Variants in AGBL1 observed in about 807,000 individuals in gnomAD.
The protein encoded by AGBL1 is AGBL carboxypeptidase 1.
Under a neutral mutation model 118.9 loss-of-function variants are expected in AGBL1, and 130 were observed. The ratio of observed to expected loss-of-function variants is 1.09; its 90% CI spans 0.95 to 1.26. The LOEUF is 1.26. AGBL1 is among the 50% of genes most tolerant of loss of function. The pLI, the probability that AGBL1 is intolerant of heterozygous loss-of-function variation, is 0.00. For missense variants in AGBL1, 1,584 were observed against 1,298.1 expected (o/e 1.22, Z -3.38); for synonymous variants, 555 against 478.9 (o/e 1.16, Z -2.08).
chr15:86,247,847 C>A lies in AGBL1; in HGVS notation c.703C>A (p.Gln235Lys). 1 of 1,613,948 alleles carries A rather than the reference C, an allele frequency of 6.2e-7. No individual in the cohort carries two copies. Among genetic ancestry groups the A allele is most frequent in the Non-Finnish European group, 8.5e-7 (1 of 1,179,886 alleles). The change falls in exon 7 of 23, where the codon CAG (glutamine) becomes AAG (lysine). Residue 235 changes from glutamine (Q) to lysine (K), a missense_variant. By Grantham distance (53) the Gln-to-Lys change is moderately conservative (BLOSUM62 1). Transcript: ENST00000614907. ...CGGCAGGGAGGCCTTCCTGGCAGCA[C>A]AGGGCATGGAGATCCTCTTCAGCAC... ...RSGREAFLAA[Q>K]GMEILFSTTQ...
At chr15:86,687,821 T>C (rs2086087329) in intron 22 of AGBL1, among the ~76,000 whole-genome samples, 1 of 152,166 alleles carries the variant, frequency 6.6e-6, no homozygotes, top group African/African-American at 2.4e-5. Context: ...CCTCGATGAG[T>C]GTCCTCAGAT....
intron 18 of AGBL1, among the ~76,000 whole-genome samples, chr15:86,501,901 TAC>T (rs1236687562): frequency 6.6e-6 from 1 of 151,568 alleles, no homozygotes; most frequent in Non-Finnish European, 1.5e-5. Context: ...TCTTTTTCAA[TAC>T]TGCTTTGTGT....
intron 24 of AGBL1, among the ~76,000 whole-genome samples, chr15:87,005,334 A>T (rs768717550): frequency 2.6e-5 from 4 of 152,136 alleles, no homozygotes; most frequent in Non-Finnish European, 4.4e-5. Flanking sequence ...CACCAATCAG[A>T]TGTAGATTTG....
At position 86,463,928 on chromosome 15, in the gene AGBL1, T is replaced by G. The variant is rs192034907; in HGVS notation, c.2556-58882T>G. Among the ~76,000 whole-genome samples, 41 of 152,302 alleles carry G rather than the reference T, an allele frequency of 2.7e-4. 1 individual carries two copies. Among genetic ancestry groups the G allele is most frequent in the Non-Finnish European group, 2.9e-5 (2 of 68,014 alleles). On this transcript the variant is annotated intron_variant, in intron 18 of 22. Coordinates refer to ENST00000614907, the MANE Select transcript of AGBL1 (RefSeq NM_001386094.1). ...GGATTGTCTTGGCTATACAGGCTCT[T>G]TTTTGGTTCCATATGAAATTTAAAG... is the stretch of plus-strand genomic sequence containing the variant.
chr15:86,318,392 A>G (rs1463530060), intron 17 of AGBL1, among the ~76,000 whole-genome samples: 1 of 151,942 alleles, frequency 6.6e-6, no homozygotes, highest in Non-Finnish European at 1.5e-5. Context: ...ATTTAATCAT[A>G]TAAATATTTC....
chr15:86,990,535 T>G (rs1032884104), intron 24 of AGBL1, among the ~76,000 whole-genome samples: 3 of 151,824 alleles, frequency 2.0e-5, no homozygotes, highest in African/African-American at 7.3e-5. Flanking sequence ...AGAGAAAGGT[T>G]TGGGTTCTGG....
At position 86,520,125 on chromosome 15, in the gene AGBL1, GA is replaced by G. The variant is rs986815130; in HGVS notation, c.2556-2676del. Among the ~76,000 whole-genome samples the G allele has an allele frequency of 2.4e-4, 36 of 151,216 alleles. 1 individual carries two copies. The highest frequency in any genetic ancestry group is 6.3e-4 in the South Asian group (3 of 4,782). ...ATAGCTATCTGATTATTCTTTATAAGAAAAAAAAATTAGGATGAGGTAAGGA... is the reference window on the plus strand; with the variant it reads ...ATAGCTATCTGATTATTCTTTATAAGAAAAAAAATTAGGATGAGGTAAGGA... On this transcript the variant is annotated intron_variant, in intron 18 of 22. Transcript: ENST00000614907.
intron 18 of AGBL1, among the ~76,000 whole-genome samples, chr15:86,443,749 A>T (rs898046485): frequency 2.0e-5 from 3 of 151,906 alleles, no homozygotes; most frequent in African/African-American, 7.3e-5. Flanking sequence ...TGTCCTCCAA[A>T]CTCACCTGTG....
At chr15:86,978,150 T>A (rs989608996) in intron 23 of AGBL1, among the ~76,000 whole-genome samples, 1 of 152,190 alleles carries the variant, frequency 6.6e-6, no homozygotes, top group African/African-American at 2.4e-5. Context: ...ACCACTATTG[T>A]CTGTTAACCT....
intron 21 of AGBL1, among the ~76,000 whole-genome samples, chr15:86,561,483 G>A (rs891632163): frequency 6.6e-5 from 10 of 152,052 alleles, no homozygotes; most frequent in Non-Finnish European, 1.2e-4. Flanking sequence ...GTGTTATTTC[G>A]GAGGCCTCTG....
At position 86,257,195 on chromosome 15, in the gene AGBL1, C is replaced by T. The variant is rs1018915967; in HGVS notation, c.901+177C>T. The stretch of plus-strand genomic sequence containing the variant: ...TTGATTTTCATAAACAGGGTGATTT[C>T]ATAAACAGAAAAAACCAAGCTCGCT... On this transcript the variant is annotated intron_variant, in intron 8 of 22. Transcript: ENST00000614907. Among the ~76,000 whole-genome samples the T allele has an allele frequency of 4.6e-5, 7 of 152,142 alleles. No individual in the cohort carries two copies. The East Asian group carries it at 1.3e-3, about 29-fold the overall frequency.
chr15:86,540,431 T>C (rs1444648319), intron 19 of AGBL1, among the ~76,000 whole-genome samples: 2 of 152,002 alleles, frequency 1.3e-5, no homozygotes. Flanking sequence ...CTGTCTCTAC[T>C]AAAAACACAA....
rs1596694964 is a variant in AGBL1, at chr15:86,974,764, T to C, written c.3222-13223T>C. 2.0e-5 allele frequency among the ~76,000 whole-genome samples: 3 copies of C among 151,802 alleles called. No individual in the cohort carries two copies. In the South Asian group the frequency reaches 6.2e-4, roughly 31 times the overall value. The stretch of plus-strand genomic sequence containing the variant: ...ACTATCAGTTTTTGAATTTCCACTC[T>C]GAGCCAGATCAAAAACAGAATCTCA... On this transcript the variant is annotated intron_variant, in intron 23 of 24. Coordinates refer to the AGBL1 transcript ENST00000441037.
chr15:86,832,727 T>G (rs1029662269), intron 22 of AGBL1, among the ~76,000 whole-genome samples: 1 of 152,214 alleles, frequency 6.6e-6, no homozygotes, highest in South Asian at 2.1e-4. Flanking sequence ...TTTCAAACTT[T>G]CCCACATCTT....
chr15:86,463,396 T>G (rs934503918), intron 18 of AGBL1, among the ~76,000 whole-genome samples: 3 of 152,188 alleles, frequency 2.0e-5, no homozygotes, highest in African/African-American at 7.2e-5. Context: ...GGTTGCCTGT[T>G]CACTCTGATG....
intron 18 of AGBL1, among the ~76,000 whole-genome samples, chr15:86,454,747 C>T (rs1446554627): frequency 6.6e-6 from 1 of 151,986 alleles, no homozygotes; most frequent in Non-Finnish European, 1.5e-5. Flanking sequence ...CTATTGACTG[C>T]AAAGGGGCAT....
intron 17 of AGBL1, among the ~76,000 whole-genome samples, chr15:86,302,469 A>T (rs1406353559): frequency 6.6e-6 from 1 of 151,972 alleles, no homozygotes; most frequent in Non-Finnish European, 1.5e-5. Context: ...GGAGACCTGG[A>T]TATGGTGCTT....
rs180855095 is a variant in AGBL1, at chr15:86,189,527, T to G, written c.488+30501T>G. 1.1e-4 allele frequency among the ~76,000 whole-genome samples: 17 copies of G among 152,298 alleles called. No individual in the cohort carries two copies. The East Asian group carries it at 2.9e-3, about 26-fold the overall frequency. On this transcript the variant is annotated intron_variant, in intron 5 of 22. Transcript: ENST00000614907. ...GGGGGTGGATCCCTCTTGAACATCT[T>G]GGTGCTCTGCTCATGGTAACGAGTT... is the stretch of plus-strand genomic sequence containing the variant.
intron 21 of AGBL1, among the ~76,000 whole-genome samples, chr15:86,669,353 A>C (rs1389321089): frequency 6.6e-6 from 1 of 152,172 alleles, no homozygotes; most frequent in Non-Finnish European, 1.5e-5. Context: ...AAAATATGAA[A>C]AAAATCAGAA....
Sources: gnomAD v4.1 joint callset for allele counts (sites outside exome capture counted in the v4.1 genomes callset) on GRCh38, gnomAD v4.1.1 for gene constraint, MANE v1.5 for transcripts, NCBI Gene and HGNC (gene_info 2026-07-23, HGNC 2026-07-21) for gene names.